The following IGSF11 variants were observed in gnomAD, a reference collection of about 807,000 sequenced individuals.
The protein encoded by IGSF11 is immunoglobulin superfamily member 11.
Under a neutral mutation model 41.0 loss-of-function variants are expected in IGSF11, and 22 were observed. The ratio of observed to expected loss-of-function variants is 0.54; its 90% CI spans 0.38 to 0.77. IGSF11 has a LOEUF of 0.77. IGSF11 is among the 30% of genes least tolerant of loss of function. The probability of loss-of-function intolerance (pLI) is 0.00; values close to 1 mark genes in which losing one functional copy is unlikely to be tolerated. For synonymous variants in IGSF11, 219 were observed against 201.3 expected (o/e 1.09, Z -0.74); for missense variants, 444 against 530.8 (o/e 0.84, Z 1.61).
chr3:118,990,967 C>T (rs1452051871), intron 1 of IGSF11, among the ~76,000 whole-genome samples: 2 of 152,106 alleles, frequency 1.3e-5, no homozygotes, highest in Admixed American at 6.5e-5. Context: ...GAATGAAATC[C>T]GTTGAATCAA....
intron 1 of IGSF11, among the ~76,000 whole-genome samples, chr3:119,075,262 C>T (rs1411828654): frequency 1.3e-5 from 2 of 152,084 alleles, no homozygotes; most frequent in Admixed American, 6.5e-5. Context: ...TATACAACTT[C>T]CCAGGATCAA....
chr3:119,140,760 A>G (rs981011398), intron 1 of IGSF11, among the ~76,000 whole-genome samples: 2 of 152,134 alleles, frequency 1.3e-5, no homozygotes, highest in African/African-American at 4.8e-5. Context: ...AAAATCATAC[A>G]AGGCCAGACA....
upstream of IGSF11, among the ~76,000 whole-genome samples, chr3:119,105,815 C>T (rs138151237): frequency 4.7e-4 from 71 of 152,256 alleles, no homozygotes; most frequent in Admixed American, 1.4e-3. Context: ...TGGCCTACCA[C>T]CACAAAATAG....
intron 1 of IGSF11, among the ~76,000 whole-genome samples, chr3:119,142,965 A>G (rs747214822): frequency 2.0e-5 from 3 of 152,232 alleles, no homozygotes; most frequent in Non-Finnish European, 4.4e-5. Context: ...GTTGAAAAAA[A>G]TACCATCAAC....
chr3:118,902,457 A>ACCCCC lies in IGSF11; in HGVS notation c.*62_*63insGGGGG. On this transcript the variant is annotated 3_prime_UTR_variant, in exon 7 of 7. Transcript: ENST00000393775. Reference sequence around the variant, plus strand: ...TTTCTTTCCCAGCACTCCCCACCCCACCCTCCCCCTTGTATGAGGGCATTC... The same window carrying ACCCCC: ...TTTCTTTCCCAGCACTCCCCACCCCACCCCCCCCTCCCCCTTGTATGAGGGCATTC... 2 of 294,474 alleles carry ACCCCC rather than the reference A, an allele frequency of 6.8e-6. No individual in the cohort carries two copies. Among genetic ancestry groups the ACCCCC allele is most frequent in the Non-Finnish European group, 1.4e-5 (2 of 147,708 alleles). The allele number at this position is 294,474 out of a possible 1,614,324, so 18.2% of individuals were successfully genotyped here. A position where few individuals can be genotyped will look rare whatever the true frequency, so the allele number is the denominator to read the frequency against.
intron 1 of IGSF11, among the ~76,000 whole-genome samples, chr3:119,009,820 A>G (rs553945823): frequency 1.2e-4 from 18 of 152,288 alleles, no homozygotes; most frequent in Admixed American, 7.8e-4. Context: ...TTCAACTACC[A>G]TACAAATTGG....
intron 1 of IGSF11, among the ~76,000 whole-genome samples, chr3:118,938,041 ATG>A (rs142768013): frequency 0.06 from 8,868 of 148,770 alleles, 371 homozygotes; most frequent in African/African-American, 0.11. Flanking sequence ...TATATATAAA[ATG>A]TGTGTGTGTG....
chr3:119,034,780 G>C lies in IGSF11; in HGVS notation c.-198C>G. On this transcript the variant is annotated 5_prime_UTR_variant, in exon 1 of 7. Coordinates refer to ENST00000393775, the MANE Select transcript of IGSF11 (RefSeq NM_001015887.3). ...AGCTGCAGCGCCGCCCGGCTCCGCGGACGCTGAGCTGTGACCAGAGGCGTT... is the reference window on the plus strand; with the variant it reads ...AGCTGCAGCGCCGCCCGGCTCCGCGCACGCTGAGCTGTGACCAGAGGCGTT... 1.5e-6 allele frequency: 2 copies of C among 1,306,928 alleles called. No individual in the cohort carries two copies. Among genetic ancestry groups the C allele is most frequent in the Admixed American group, 7.7e-5 (2 of 25,876 alleles). The allele number at this position is 1,306,928 out of a possible 1,614,324, so 81.0% of individuals were successfully genotyped here.
At chr3:119,045,968 G>A in intron 1 of IGSF11, among the ~76,000 whole-genome samples, 1 of 151,816 alleles carries the variant, frequency 6.6e-6, no homozygotes, top group Non-Finnish European at 1.5e-5. Context: ...AAACAGAAAA[G>A]ACATCCACAC....
chr3:119,111,832 C>G (rs2077168022), intron 1 of IGSF11, among the ~76,000 whole-genome samples: 1 of 152,238 alleles, frequency 6.6e-6, no homozygotes. Flanking sequence ...AACTGCAGGA[C>G]TGTTGGAGTT....
chr3:118,907,349 G>T (rs1182127886), intron 4 of IGSF11, among the ~76,000 whole-genome samples: 1 of 152,142 alleles, frequency 6.6e-6, no homozygotes, highest in Non-Finnish European at 1.5e-5. Flanking sequence ...TCTGAGGATG[G>T]TGATAAAATA....
chr3:118,975,309 A>G (rs762772728), intron 1 of IGSF11, among the ~76,000 whole-genome samples: 10 of 150,944 alleles, frequency 6.6e-5, no homozygotes, highest in Non-Finnish European at 1.3e-4. Flanking sequence ...AAATTTACTC[A>G]TTTCATATAG....
chr3:119,117,479 C>G (rs575670540), intron 1 of IGSF11, among the ~76,000 whole-genome samples: 19 of 152,154 alleles, frequency 1.2e-4, no homozygotes, highest in Non-Finnish European at 2.5e-4. Flanking sequence ...TTCACTATCA[C>G]AAGAACAGCA....
At chr3:118,997,902 G>A (rs1330289945) in intron 1 of IGSF11, among the ~76,000 whole-genome samples, 1 of 152,070 alleles carries the variant, frequency 6.6e-6, no homozygotes, top group Non-Finnish European at 1.5e-5. Flanking sequence ...AGAACTTCCA[G>A]GTTTCTAATA....
At chr3:118,983,064 T>A (rs1234169818) in intron 1 of IGSF11, among the ~76,000 whole-genome samples, 1 of 152,078 alleles carries the variant, frequency 6.6e-6, no homozygotes. Flanking sequence ...AGCCCCAACA[T>A]AATTGCAAGG....
intron 1 of IGSF11, among the ~76,000 whole-genome samples, chr3:119,055,714 G>T (rs1315436281): frequency 1.3e-5 from 2 of 152,120 alleles, no homozygotes; most frequent in South Asian, 4.1e-4. Flanking sequence ...TGGCCACATA[G>T]TTGGAAGTAA....
intron 1 of IGSF11, among the ~76,000 whole-genome samples, chr3:118,969,112 G>A (rs112689372): frequency 0.013 from 1,942 of 151,690 alleles, 48 homozygotes; most frequent in African/African-American, 0.044. Context: ...GTTTATCATC[G>A]AGTTGGAGAA....
At chr3:119,051,577 G>C (rs1406494140) in intron 1 of IGSF11, among the ~76,000 whole-genome samples, 3 of 152,124 alleles carry the variant, frequency 2.0e-5, no homozygotes, top group Non-Finnish European at 4.4e-5. Context: ...TATCAAGACA[G>C]AAAGTCAACA....
At chr3:119,027,751 T>A (rs1240277011) in intron 1 of IGSF11, among the ~76,000 whole-genome samples, 1 of 152,206 alleles carries the variant, frequency 6.6e-6, no homozygotes, top group Admixed American at 6.5e-5. Context: ...CCAGGAAGTT[T>A]AAGAATCTTT....
Sources: allele counts gnomAD v4.1 joint callset (sites outside exome capture counted in the v4.1 genomes callset), GRCh38; gene constraint gnomAD v4.1.1; transcripts MANE v1.5; gene names NCBI Gene and HGNC (gene_info 2026-07-23, HGNC 2026-07-21).